NFATC1: variants seen among roughly 807,000 people sequenced by gnomAD.
NFATC1 encodes nuclear factor of activated T cells 1, also known as nuclear factor of activated T-cells, cytoplasmic 1.
In NFATC1, 22 loss-of-function variants were observed where a neutral mutation model predicts 76.0. The observed-to-expected ratio is 0.29, with a 90% confidence interval of 0.21 to 0.41. The LOEUF (loss-of-function observed/expected upper bound fraction) is 0.41, where lower values mean the gene tolerates loss of function less well. Among genes scored for constraint, NFATC1 ranks in the 10% least tolerant of loss-of-function variants. NFATC1 has a pLI of 1.00. For missense variants in NFATC1, 1,357 were observed against 1,337.7 expected (o/e 1.01, Z -0.23); for synonymous variants, 704 against 613.1 (o/e 1.15, Z -2.19).
intron 1 of NFATC1, among the ~76,000 whole-genome samples, chr18:79,403,533 G>T (rs555039723): frequency 6.6e-6 from 1 of 152,238 alleles, no homozygotes; most frequent in African/African-American, 2.4e-5. Context: ...CCGCCCCAGG[G>T]CTCCTGTTTT....
Position 79,465,482 on chromosome 18 carries a change from G to A in NFATC1, c.1960-1968G>A, listed in dbSNP as rs2088432015. 6.7e-6 allele frequency among the ~76,000 whole-genome samples: 1 copy of A among 148,640 alleles called. No individual in the cohort carries two copies. Among genetic ancestry groups the A allele is most frequent in the South Asian group, 2.1e-4 (1 of 4,660 alleles). On this transcript the variant is annotated intron_variant, in intron 7 of 9. Coordinates refer to ENST00000427363, the MANE Select transcript of NFATC1 (RefSeq NM_001278669.2). This position sits in a 1 kb window ranked among gnomAD's most constrained non-coding sequence, Gnocchi z 4.2. ...AGCCAGCCTGGCCCACGGAATCTCC[G>A]CCTCTGCCCAGCCAGCCTGGCCCAT...
intron 8 of NFATC1, among the ~76,000 whole-genome samples, chr18:79,484,218 C>T (rs1309499423): frequency 2.6e-5 from 4 of 152,108 alleles, no homozygotes; most frequent in African/African-American, 9.7e-5. Flanking sequence ...GGCTGCACTC[C>T]CCGAGTTCAC....
At chr18:79,510,054 T>C (rs754696836) in intron 9 of NFATC1, among the ~76,000 whole-genome samples, 2 of 152,230 alleles carry the variant, frequency 1.3e-5, no homozygotes, top group Non-Finnish European at 2.9e-5. Flanking sequence ...TCTGAAGACA[T>C]ATTTTAAGGC....
chr18:79,427,459 C>G (rs897680450), intron 2 of NFATC1, among the ~76,000 whole-genome samples: 1 of 14,268 alleles, frequency 7.0e-5, no homozygotes, highest in Non-Finnish European at 1.2e-4. Flanking sequence ...GGCCTCTGTG[C>G]GGTGGGTGGG....
intron 2 of NFATC1, among the ~76,000 whole-genome samples, chr18:79,413,804 T>G (rs1440164026): frequency 1.3e-5 from 2 of 152,204 alleles, no homozygotes; most frequent in Non-Finnish European, 2.9e-5. Flanking sequence ...ACCTTGGACC[T>G]GTGTTTGGTG....
intron 3 of NFATC1, among the ~76,000 whole-genome samples, chr18:79,447,060 A>G (rs982029812): frequency 6.6e-6 from 1 of 151,924 alleles, no homozygotes; most frequent in Non-Finnish European, 1.5e-5. Flanking sequence ...TCGTCCCTGG[A>G]GGGCTCTGAG....
chr18:79,478,961 G>A (rs894247660), intron 8 of NFATC1, among the ~76,000 whole-genome samples: 9 of 152,192 alleles, frequency 5.9e-5, no homozygotes, highest in Non-Finnish European at 1.5e-5. Flanking sequence ...ACTGCGCGCC[G>A]CCTCCACAGA....
At chr18:79,442,721 C>T (rs769956025) in intron 3 of NFATC1, among the ~76,000 whole-genome samples, 3 of 152,180 alleles carry the variant, frequency 2.0e-5, no homozygotes, top group Non-Finnish European at 4.4e-5. Context: ...GCTTCTGCTC[C>T]GGCGGGCCAC....
chr18:79,489,292 C>G (rs2089609662), intron 9 of NFATC1, among the ~76,000 whole-genome samples: 1 of 152,134 alleles, frequency 6.6e-6, no homozygotes, highest in South Asian at 2.1e-4. Context: ...GGGGATGGGT[C>G]TTGGGGAGGG....
intron 2 of NFATC1, chr18:79,421,292 TC>T (rs1377601412): frequency 3.9e-5 from 6 of 152,410 alleles, no homozygotes; most frequent in African/African-American, 1.4e-4. Context: ...ACTCGAGGGT[TC>T]CCTGACACCA....
chr18:79,400,748 C>T (rs118035325), intron 1 of NFATC1, among the ~76,000 whole-genome samples: 11,186 of 133,082 alleles, frequency 0.084, 1,143 homozygotes, highest in African/African-American at 0.25. Flanking sequence ...GCTGGTGGCG[C>T]TGCCAGAGGC....
intron 1 of NFATC1, among the ~76,000 whole-genome samples, chr18:79,409,079 TCATC>T (rs139300655): frequency 0.012 from 1,030 of 89,114 alleles, 73 homozygotes; most frequent in African/African-American, 0.029. Flanking sequence ...CATTCATTCA[TCATC>T]CATCCATCCA....
intron 1 of NFATC1, among the ~76,000 whole-genome samples, chr18:79,399,996 C>T (rs1229598688): frequency 3.3e-5 from 5 of 152,020 alleles, no homozygotes; most frequent in African/African-American, 9.7e-5. Flanking sequence ...AAAAAAATTC[C>T]GTCGCCCTGG....
In NFATC1 at chr18:79,483,702, GT is replaced by G. The variant is rs1180754610; in HGVS notation, c.2093-2544del. ...TGGGGTGTCACTCCAGCGTGACCTT[GT>G]TCCTGGGGTGTAATTCCAGCGTGAC... On this transcript the variant is annotated intron_variant, in intron 8 of 9. Transcript: ENST00000427363. Among the ~76,000 whole-genome samples the G allele has an allele frequency of 2.1e-4, 31 of 148,904 alleles. 1 individual carries two copies. Among genetic ancestry groups the G allele is most frequent in the African/African-American group, 7.8e-4 (31 of 39,906 alleles).
chr18:79,503,618 G>A (rs974958236), intron 9 of NFATC1, among the ~76,000 whole-genome samples: 5 of 152,136 alleles, frequency 3.3e-5, no homozygotes, highest in Admixed American at 6.5e-5. Flanking sequence ...TGGGATTTTC[G>A]GGGTGGCAGA....
intron 2 of NFATC1, among the ~76,000 whole-genome samples, chr18:79,414,971 C>T (rs1219204881): frequency 2.0e-5 from 3 of 152,132 alleles, no homozygotes; most frequent in African/African-American, 4.8e-5. Context: ...TCATATTGAC[C>T]GACAGGAACT....
chr18:79,488,064 G>A (rs2089564604), intron 9 of NFATC1, among the ~76,000 whole-genome samples: 1 of 147,824 alleles, frequency 6.8e-6, no homozygotes, highest in South Asian at 2.1e-4. Context: ...GGCGGCATTA[G>A]CCCCTCCTGA....
intron 9 of NFATC1, among the ~76,000 whole-genome samples, chr18:79,520,407 C>G (rs560823943): frequency 6.6e-6 from 1 of 151,932 alleles, no homozygotes. Context: ...CATCCTGCTC[C>G]GCTGGCGCCT....
intron 2 of NFATC1, among the ~76,000 whole-genome samples, chr18:79,414,348 T>C (rs769510097): frequency 4.4e-4 from 67 of 152,198 alleles, no homozygotes; most frequent in Admixed American, 1.1e-3. Flanking sequence ...GGTACAGAAC[T>C]GCTGCTCCAT....
Sources: gnomAD v4.1 joint callset for allele counts (sites outside exome capture counted in the v4.1 genomes callset) on GRCh38, gnomAD v4.1.1 for gene constraint, Gnocchi (gnomAD v3.1) non-coding constraint, MANE v1.5 for transcripts, NCBI Gene and HGNC (gene_info 2026-07-23, HGNC 2026-07-21) for gene names.